The following AK7 variants were observed in gnomAD, a reference collection of about 807,000 sequenced individuals.
AK7 encodes ATP-AMP transphosphorylase 7.
Under a neutral mutation model 96.6 loss-of-function variants are expected in AK7, and 78 were observed. The observed-to-expected ratio is 0.81, with a 90% confidence interval of 0.67 to 0.97. The LOEUF (loss-of-function observed/expected upper bound fraction) is 0.97. Ranked by LOEUF, AK7 falls within the 50% of genes least tolerant of loss-of-function variation. The probability of loss-of-function intolerance (pLI) is 0.00; values close to 1 mark genes in which losing one functional copy is unlikely to be tolerated. For synonymous variants in AK7, 302 were observed against 317.2 expected (o/e 0.95, Z 0.51); for missense variants, 855 against 887.9 (o/e 0.96, Z 0.47).
intron 12 of AK7, among the ~76,000 whole-genome samples, chr14:96,459,322 A>C (rs1258684964): frequency 6.6e-6 from 1 of 151,924 alleles, no homozygotes. Context: ...TGAGTGACAG[A>C]GCAAGACTCC....
At chr14:96,423,711 G>A in intron 5 of AK7, 1 of 694,138 alleles carries the variant, frequency 1.4e-6, no homozygotes, top group Non-Finnish European at 2.7e-6. Context: ...CCAGACAGCT[G>A]CTCCTACAAT....
chr14:96,478,472 T>C lies in AK7; in HGVS notation c.1563T>C (p.Val521=), dbSNP rs760050924. ...PFDKLIIPEF[V]CALDASDEFL... is the part of the protein sequence containing the mutation. ...GTCTGTCCTTCTCCCCAGAATTCGT[T>C]TGTGCACTGGATGCTTCGGATGAGT... The change falls in exon 15 of 18, where the codon GTT becomes GTC. Residue 521 remains valine, a synonymous_variant. Coordinates refer to ENST00000267584, the MANE Select transcript of AK7 (RefSeq NM_152327.5). 1 of 1,613,970 alleles carries C rather than the reference T, an allele frequency of 6.2e-7. No individual in the cohort carries two copies. Among genetic ancestry groups the C allele is most frequent in the Non-Finnish European group, 8.5e-7 (1 of 1,180,032 alleles).
chr14:96,444,174 C>T lies in AK7; in HGVS notation c.779+1356C>T, dbSNP rs140031353. Among the ~76,000 whole-genome samples, 20 of 152,236 alleles carry T rather than the reference C, an allele frequency of 1.3e-4. No homozygotes were observed. The East Asian group carries it at 3.1e-3, about 24-fold the overall frequency. ...AGCCCACAGGCCCTGGTTTGACAAG[C>T]TTGCTGTAAATGGGCTAAGCTTCAG... On this transcript the variant is annotated intron_variant, in intron 7 of 17. Transcript: ENST00000267584.
intron 11 of AK7, 47 bp downstream of exon 11, chr14:96,456,522 T>G (rs1431366597): frequency 6.3e-7 from 1 of 1,592,188 alleles, no homozygotes; most frequent in Non-Finnish European, 8.6e-7. Context: ...AATTACTGTA[T>G]TGTTCTTAGG....
rs1274843656 is a variant in AK7, at chr14:96,404,865, G to A, written c.403G>A (p.Ala135Thr). Residue 135 changes from alanine (A) to threonine (T), a missense_variant and splice_region_variant, in exon 3 of 18, where the codon GCA becomes ACA. Physicochemically the swap from Ala to Thr is moderately conservative, Grantham distance 58 (BLOSUM62 0). Coordinates refer to ENST00000267584, the MANE Select transcript of AK7 (RefSeq NM_152327.5). ...QMEEAIWAVS[A>T]LSEEVSHFEK... Reference sequence around the variant, plus strand: ...GGAGGAAGCCATCTGGGCAGTCTCTGGTCAGTGAGGTGTACTCTTTTATCT... The same window carrying A: ...GGAGGAAGCCATCTGGGCAGTCTCTAGTCAGTGAGGTGTACTCTTTTATCT... 2 of 1,598,974 alleles carry A rather than the reference G, an allele frequency of 1.3e-6. No individual in the cohort carries two copies. The highest frequency in any genetic ancestry group is 4.5e-5 in the East Asian group (2 of 44,728).
Position 96,478,552 on chromosome 14 carries a change from A to G in AK7, c.1643A>G (p.Tyr548Cys). 4 of 1,614,222 alleles carry G rather than the reference A, an allele frequency of 2.5e-6. No individual in the cohort carries two copies. Among genetic ancestry groups the G allele is most frequent in the Non-Finnish European group, 3.4e-6 (4 of 1,180,040 alleles). ...LPESIVAGTH[Y>C]SQDRFLRALS... is the part of the protein sequence containing the mutation. The stretch of plus-strand genomic sequence containing the variant: ...GAGAGCATCGTGGCGGGGACCCACT[A>G]CAGCCAAGACCGATTCCTCCGGGCT... Residue 548 changes from tyrosine (Y) to cysteine (C), a missense_variant, in exon 15 of 18, where the codon TAC (tyrosine) becomes TGC (cysteine). Physicochemically the swap from Tyr to Cys is radical, Grantham distance 194. Transcript: ENST00000267584.
chr14:96,461,091 A>G (rs1162530605), intron 12 of AK7, among the ~76,000 whole-genome samples: 1 of 152,246 alleles, frequency 6.6e-6, no homozygotes, highest in Non-Finnish European at 1.5e-5. Flanking sequence ...AGGAGTGCCC[A>G]GATGAATGCT....
At chr14:96,407,580 C>CTTT (rs11364736) in intron 3 of AK7, among the ~76,000 whole-genome samples, 2 of 60,310 alleles carry the variant, frequency 3.3e-5, no homozygotes, top group African/African-American at 9.7e-5. Flanking sequence ...TCTTTCTTTT[C>CTTT]TTTTTTTTTT....
In AK7 at chr14:96,450,055, C is replaced by CT. The variant is rs1320675681; in HGVS notation, c.948+177dup. ...ATCTCCTACCACACCACCAGATATT[C>CT]TACCCTAAGACAACTTACTCTTGTC... is the stretch of plus-strand genomic sequence containing the variant. On this transcript the variant is annotated intron_variant, in intron 9 of 17. Transcript: ENST00000267584. Among the ~76,000 whole-genome samples, 5 of 152,118 alleles carry CT rather than the reference C, an allele frequency of 3.3e-5. No individual in the cohort carries two copies. In the East Asian group the frequency reaches 9.6e-4, roughly 29 times the overall value.
intron 12 of AK7, among the ~76,000 whole-genome samples, chr14:96,466,993 T>A (rs1356607198): frequency 2.2e-5 from 3 of 136,042 alleles, no homozygotes; most frequent in East Asian, 4.2e-4. Context: ...TGAAAGCAAA[T>A]AACCAACAAC....
intron 7 of AK7, among the ~76,000 whole-genome samples, chr14:96,446,174 T>C (rs374827361): frequency 2.0e-4 from 31 of 152,264 alleles, no homozygotes; most frequent in African/African-American, 7.2e-4. Flanking sequence ...ACTGGGGTCC[T>C]GCTGGGGGCC....
chr14:96,424,251 C>T, intron 5 of AK7: 1 of 430,412 alleles, frequency 2.3e-6, no homozygotes, highest in Non-Finnish European at 4.2e-6. Context: ...CCGGGAGTGC[C>T]GCGGGAGGCC....
At chr14:96,476,527 A>G (rs990879313) in intron 14 of AK7, among the ~76,000 whole-genome samples, 2 of 149,906 alleles carry the variant, frequency 1.3e-5, no homozygotes, top group Admixed American at 6.6e-5. Context: ...AAAAAAAACC[A>G]TAGATTTTTC....
intron 4 of AK7, among the ~76,000 whole-genome samples, chr14:96,418,724 G>C (rs1234452090): frequency 6.6e-6 from 1 of 152,030 alleles, no homozygotes; most frequent in Non-Finnish European, 1.5e-5. Flanking sequence ...TCACCATGTT[G>C]TCCAGGCTGG....
intron 5 of AK7, chr14:96,423,702 C>T (rs762351061): frequency 1.4e-4 from 93 of 686,234 alleles, no homozygotes; most frequent in Middle Eastern, 3.2e-4. Flanking sequence ...CCCTACTTCC[C>T]AGACAGCTGC....
chr14:96,466,394 G>A (rs1017309935), intron 12 of AK7, among the ~76,000 whole-genome samples: 2 of 151,724 alleles, frequency 1.3e-5, no homozygotes, highest in African/African-American at 2.4e-5. Context: ...CCGCCACCAC[G>A]CCCGGCTAAT....
At chr14:96,478,426 C>T in intron 14 of AK7, 39 bp from the exon 15 acceptor site, 1 of 1,607,472 alleles carries the variant, frequency 6.2e-7, no homozygotes, top group Non-Finnish European at 8.5e-7. Context: ...GTTAGCTGCG[C>T]TGTATTGTGC....
At chr14:96,468,073 CAAAAAAAAAA>C (rs35563628) in intron 12 of AK7, among the ~76,000 whole-genome samples, 1 of 79,132 alleles carries the variant, frequency 1.3e-5, no homozygotes, top group South Asian at 4.3e-4. Context: ...CCCGTCTCTA[CAAAAAAAAAA>C]AAAAAAAAAA....
At chr14:96,395,954 G>A (rs1459706008) in intron 1 of AK7, among the ~76,000 whole-genome samples, 1 of 151,694 alleles carries the variant, frequency 6.6e-6, no homozygotes. Flanking sequence ...TGGGATTACA[G>A]GCATGTGCCA....
Sources: gnomAD v4.1 joint callset for allele counts (sites outside exome capture counted in the v4.1 genomes callset) on GRCh38, gnomAD v4.1.1 for gene constraint, MANE v1.5 for transcripts, NCBI Gene and HGNC (gene_info 2026-07-23, HGNC 2026-07-21) for gene names.